The following YLPM1 variants were observed in gnomAD, a reference collection of about 807,000 sequenced individuals.
YLPM1 encodes the protein YLP motif containing 1.
YLPM1 carries 99 observed loss-of-function variants against 230.0 expected under a neutral mutation model. That is an observed-to-expected ratio of 0.43 (90% CI 0.37 to 0.51). The LOEUF is 0.51. Ranked by LOEUF, YLPM1 falls within the 20% of genes least tolerant of loss-of-function variation. The probability of loss-of-function intolerance (pLI) is 0.00; values close to 1 mark genes in which losing one functional copy is unlikely to be tolerated. For synonymous variants in YLPM1, 984 were observed against 942.5 expected, an observed-to-expected ratio of 1.04 and a Z score of -0.81; for missense variants, 2,592 against 2,707.7, an observed-to-expected ratio of 0.96 and a Z score of 0.95.
chr14:74,763,461 A>C lies in YLPM1; in HGVS notation c.-29A>C, dbSNP rs1261811691. On this transcript the variant is annotated 5_prime_UTR_variant, in exon 1 of 21. Coordinates refer to ENST00000325680, the MANE Select transcript of YLPM1 (RefSeq NM_019589.3). ...GTCGGTTGCGACGAGTAACGGCGCC[A>C]GGACGAGCCCTGCGCCTTCTTTTTC... 2 of 1,396,004 alleles carry C rather than the reference A, an allele frequency of 1.4e-6. No individual in the cohort carries two copies. Among genetic ancestry groups the C allele is most frequent in the South Asian group, 1.8e-5 (1 of 56,716 alleles). The allele number at this position is 1,396,004 out of a possible 1,614,324, so 86.5% of individuals were successfully genotyped here.
chr14:74,792,439 G>T (rs2091216409), intron 4 of YLPM1, among the ~76,000 whole-genome samples: 1 of 152,172 alleles, frequency 6.6e-6, no homozygotes, highest in Non-Finnish European at 1.5e-5. Flanking sequence ...AGGAGAAGCG[G>T]CCCTTCTGAT....
chr14:74,772,251 T>C (rs2090984768), intron 1 of YLPM1, among the ~76,000 whole-genome samples: 1 of 151,816 alleles, frequency 6.6e-6, no homozygotes, highest in African/African-American at 2.4e-5. Context: ...AGATGGGATC[T>C]TGCCATGTTG....
intron 10 of YLPM1, 125 bp downstream of exon 10, chr14:74,811,863 G>A (rs2091438123): frequency 8.4e-6 from 5 of 593,468 alleles, no homozygotes; most frequent in Admixed American, 4.1e-5. Flanking sequence ...AGAGCTGGTG[G>A]CATTGTCCTA....
At chr14:74,765,031 T>G (rs1216676463) in intron 1 of YLPM1, among the ~76,000 whole-genome samples, 1 of 152,214 alleles carries the variant, frequency 6.6e-6, no homozygotes, top group Non-Finnish European at 1.5e-5. Flanking sequence ...TTTAAGATAA[T>G]GAGCAATTTT....
At position 74,781,578 on chromosome 14, in the gene YLPM1, G is replaced by A. The variant is rs977227837; in HGVS notation, c.1535G>A (p.Gly512Glu). Reference sequence around the variant, plus strand: ...CAGAACATGAAGAACCAGTATATGGGGAACATGTCAATGCCACCTCCTTTT... The same window carrying A: ...CAGAACATGAAGAACCAGTATATGGAGAACATGTCAATGCCACCTCCTTTT... ...SFQNMKNQYM[G>E]NMSMPPPFVP... is the part of the protein sequence containing the mutation. Residue 512 changes from glycine (G) to glutamate (E), a missense_variant, in exon 4 of 21, where the codon GGG becomes GAG. Transcript: ENST00000325680. 2 of 1,613,838 alleles carry A rather than the reference G, an allele frequency of 1.2e-6. No individual in the cohort carries two copies. The highest frequency in any genetic ancestry group is 2.7e-5 in the African/African-American group (2 of 74,900).
At chr14:74,835,089 T>A in intron 19 of YLPM1, 176 bp from the exon 20 acceptor site, 1 of 756,868 alleles carries the variant, frequency 1.3e-6, no homozygotes, top group Non-Finnish European at 2.0e-6. Context: ...TCCAGAGAGT[T>A]TTCTCTTTGT....
At chr14:74,830,183 A>G (rs1475382090) in intron 19 of YLPM1, among the ~76,000 whole-genome samples, 2 of 152,222 alleles carry the variant, frequency 1.3e-5, no homozygotes, top group African/African-American at 4.8e-5. Context: ...GTAGTTTGTC[A>G]TCAGTCTACA....
chr14:74,779,749 C>T (rs994041548), intron 2 of YLPM1, among the ~76,000 whole-genome samples: 1 of 150,294 alleles, frequency 6.7e-6, no homozygotes, highest in Non-Finnish European at 1.5e-5. Context: ...TCAAGTGATC[C>T]TCCTTGCCTC....
At chr14:74,780,207 C>T (rs578218687) in intron 2 of YLPM1, among the ~76,000 whole-genome samples, 198 bp from the exon 3 acceptor site, 59 of 152,166 alleles carry the variant, frequency 3.9e-4, no homozygotes, top group Non-Finnish European at 5.7e-4. Flanking sequence ...TATTAGTATC[C>T]ATAATAGTAT....
In YLPM1 at chr14:74,763,579, C is replaced by T; in HGVS notation, c.90C>T (p.Ala30=). ...PPPPPVALPE[A]SPGPGYSSST... ...CGCCGCCAGTGGCGCTTCCTGAGGC[C>T]TCGCCGGGGCCCGGGTACTCGAGCT... Residue 30 remains alanine (A), a synonymous_variant, in exon 1 of 21, where the codon GCC becomes GCT. Coordinates refer to ENST00000325680, the MANE Select transcript of YLPM1 (RefSeq NM_019589.3). The T allele has an allele frequency of 6.3e-7, 1 of 1,585,508 alleles. No homozygotes were observed. The highest frequency in any genetic ancestry group is 8.6e-7 in the Non-Finnish European group (1 of 1,164,788).
intron 4 of YLPM1, among the ~76,000 whole-genome samples, chr14:74,795,841 A>C (rs759223838): frequency 6.6e-6 from 1 of 152,234 alleles, no homozygotes; most frequent in Non-Finnish European, 1.5e-5. Context: ...GGCTTTAACA[A>C]GTTAGAAGTT....
chr14:74,781,815 T>A lies in YLPM1; in HGVS notation c.1772T>A (p.Leu591His), dbSNP rs2091097022. 3.7e-6 allele frequency: 6 copies of A among 1,608,872 alleles called. No individual in the cohort carries two copies. Among genetic ancestry groups the A allele is most frequent in the Non-Finnish European group, 5.1e-6 (6 of 1,178,342 alleles). ...TCTTCTGCAGGGCCACCACCAGTTC[T>A]CCCCCCACCTTCCCTGTCTTCTGCA... ...SLSSAGPPPV[L>H]PPPSLSSAGP... The change falls in exon 4 of 21, where the codon CTC becomes CAC. Residue 591 changes from leucine (L) to histidine (H), a missense_variant. Physicochemically the swap from Leu to His is moderately conservative, Grantham distance 99 (BLOSUM62 -3). Coordinates refer to ENST00000325680, the MANE Select transcript of YLPM1 (RefSeq NM_019589.3).
chr14:74,809,336 A>G (rs1274665027), intron 6 of YLPM1, 44 bp from the exon 7 acceptor site: 2 of 1,543,596 alleles, frequency 1.3e-6, no homozygotes, highest in Non-Finnish European at 1.7e-6. Flanking sequence ...CTATAAAAAC[A>G]TAGTGGTATA....
chr14:74,778,932 C>G (rs954038451), intron 2 of YLPM1, among the ~76,000 whole-genome samples: 2 of 152,088 alleles, frequency 1.3e-5, no homozygotes, highest in African/African-American at 4.8e-5. Flanking sequence ...CTTCTGCCTC[C>G]CAGGTTCAGG....
At position 74,817,229 on chromosome 14, in the gene YLPM1, T is replaced by C. The variant is rs1008083425; in HGVS notation, c.5898T>C (p.Thr1966=). 8.7e-6 allele frequency: 14 copies of C among 1,601,476 alleles called. No individual in the cohort carries two copies. The highest frequency in any genetic ancestry group is 1.1e-5 in the Non-Finnish European group (13 of 1,173,392). The part of the protein sequence containing the change: ...YLAEMSADNQ[T]CGKRNIHGRK... ...CTGAAATGAGTGCAGATAACCAGAC[T>C]TGTGGCAAGAGAAATATTCATGGAA... Residue 1966 remains threonine (T), a synonymous_variant, in exon 15 of 21, where the codon ACT becomes ACC. Transcript: ENST00000325680.
intron 6 of YLPM1, among the ~76,000 whole-genome samples, chr14:74,806,449 G>A (rs192513580): frequency 9.9e-4 from 150 of 152,210 alleles, no homozygotes; most frequent in African/African-American, 3.5e-3. Context: ...AGCCAGGCAC[G>A]CGCCAGGTGG....
intron 4 of YLPM1, among the ~76,000 whole-genome samples, chr14:74,789,469 G>A (rs1023781134): frequency 6.6e-5 from 10 of 152,032 alleles, no homozygotes; most frequent in Non-Finnish European, 1.3e-4. Context: ...CATCTGCCTT[G>A]GCCTCCCTGG....
In YLPM1 at chr14:74,816,966, G is replaced by T. The variant is rs1362664128; in HGVS notation, c.5721G>T (p.Glu1907Asp). The change falls in exon 14 of 21, where the codon GAG (glutamate) becomes GAT (aspartate). Residue 1907 changes from glutamate to aspartate, a missense_variant. Coordinates refer to ENST00000325680, the MANE Select transcript of YLPM1 (RefSeq NM_019589.3). ...ATGAATATGAAGCTGAGATGGAGGA[G>T]ACTTACCGCACCAGCATGTTCAAAA... ...MEYEYEAEME[E>D]TYRTSMFKTF... is the part of the protein sequence containing the mutation. The T allele has an allele frequency of 6.3e-7, 1 of 1,599,498 alleles. No homozygotes were observed. The highest frequency in any genetic ancestry group is 8.5e-7 in the Non-Finnish European group (1 of 1,175,042).
rs1473935548 is a variant in YLPM1 at position 74,764,285 on chromosome 14, G to C, written c.796G>C (p.Glu266Gln). 6.2e-7 allele frequency: 1 copy of C among 1,613,876 alleles called. No homozygotes were observed. ...NKTTVQQEPL[E>Q]SGAKNKSTEQ... ...GACAACTGTCCAGCAAGAGCCTTTGGAGAGTGGGGCCAAAAACAAGAGTAC... is the reference window on the plus strand; with the variant it reads ...GACAACTGTCCAGCAAGAGCCTTTGCAGAGTGGGGCCAAAAACAAGAGTAC... Residue 266 changes from glutamate (E) to glutamine (Q), a missense_variant, in exon 1 of 21, where the codon GAG becomes CAG. Glu to Gln is a conservative substitution (Grantham distance 29). Coordinates refer to ENST00000325680, the MANE Select transcript of YLPM1 (RefSeq NM_019589.3).
Sources: allele counts gnomAD v4.1 joint callset (sites outside exome capture counted in the v4.1 genomes callset), GRCh38; gene constraint gnomAD v4.1.1; transcripts MANE v1.5; gene names NCBI Gene and HGNC (gene_info 2026-07-23, HGNC 2026-07-21).